DLAT: variants seen among roughly 807,000 people sequenced by gnomAD.
DLAT encodes the protein dihydrolipoamide S-acetyltransferase.
In DLAT, 43 loss-of-function variants were observed where a neutral mutation model predicts 68.0. The observed-to-expected ratio is 0.63, with a 90% CI of 0.50 to 0.81. The LOEUF is 0.81. Ranked by LOEUF, DLAT falls within the 40% of genes least tolerant of loss-of-function variation. The pLI is 0.00. For missense variants in DLAT, 745 were observed against 815.4 expected (o/e 0.91, Z 1.05); for synonymous variants, 265 against 288.6 (o/e 0.92, Z 0.83).
rs1592688766 is a variant in DLAT, at chr11:112,043,517, C to T, written c.1181C>T (p.Pro394Leu). 6.2e-7 allele frequency: 1 copy of T among 1,614,068 alleles called. No individual in the cohort carries two copies. The highest frequency in any genetic ancestry group is 8.5e-7 in the Non-Finnish European group (1 of 1,179,986). The change falls in exon 8 of 14, where the codon CCT (proline) becomes CTT (leucine). Residue 394 changes from proline to leucine, a missense_variant. Transcript: ENST00000280346. ...AAGAAGGATATCGACTCTTTTGTGC[C>T]TAGTAAAGTTGCTCCTGTGAGTTAT... Reference protein sequence around the residue: ...ITKKDIDSFVPSKVAPAPAAV... With the variant: ...ITKKDIDSFVLSKVAPAPAAV...
intron 5 of DLAT, among the ~76,000 whole-genome samples, chr11:112,034,626 T>G (rs587752469): frequency 9.2e-4 from 139 of 151,358 alleles, no homozygotes; most frequent in African/African-American, 3.2e-3. Flanking sequence ...GTATTTTTAG[T>G]AGAGATGGGG....
intron 5 of DLAT, among the ~76,000 whole-genome samples, chr11:112,035,646 G>A (rs587759191): frequency 4.9e-4 from 74 of 151,888 alleles, no homozygotes; most frequent in African/African-American, 1.7e-3. Context: ...ATGCCACTAC[G>A]CCCGGCTAAT....
chr11:112,030,248 G>A (rs587774350), intron 4 of DLAT: 213 of 572,950 alleles, frequency 3.7e-4, no homozygotes, highest in Non-Finnish European at 6.0e-4. Flanking sequence ...CAAAGTTCTC[G>A]GTCGTCTTAG....
rs781796716 is a variant in DLAT, at chr11:112,026,198, G to C, written c.280G>C (p.Val94Leu). The change falls in exon 2 of 14, where the codon GTT becomes CTT. Residue 94 changes from valine (V) to leucine (L), a missense_variant and splice_region_variant. Coordinates refer to ENST00000280346, the MANE Select transcript of DLAT (RefSeq NM_001931.5). ...RYYSLPPHQK[V>L]PLPSLSPTMQ... ...AATGTTTCTTCTTTTCCTTTTCCAG[G>C]TTCCATTGCCTTCTCTTTCCCCCAC... 9.9e-6 allele frequency: 16 copies of C among 1,608,420 alleles called. No homozygotes were observed. The East Asian group carries it at 3.3e-4, about 34-fold the overall frequency.
At chr11:112,039,559 C>T (rs191155460) in intron 7 of DLAT, among the ~76,000 whole-genome samples, 162 bp downstream of exon 7, 27 of 152,238 alleles carry the variant, frequency 1.8e-4, no homozygotes, top group Admixed American at 1.8e-3. Context: ...CTTTTGTTGC[C>T]ACCACAGAGT....
intron 11 of DLAT, among the ~76,000 whole-genome samples, chr11:112,054,549 G>T (rs1255426999): frequency 2.0e-5 from 3 of 152,148 alleles, no homozygotes; most frequent in Non-Finnish European, 4.4e-5. Flanking sequence ...GAGGAGAGGA[G>T]ATTCAGAAAC....
Position 112,056,825 on chromosome 11 carries a change from C to T in DLAT, c.1515-3078C>T, listed in dbSNP as rs587768249. Reference sequence around the variant, plus strand: ...AAGTGTTCCAGTTTCTCTATGTCCTCATCAATATTTGTTACCGTGTGGGTG... The same window carrying T: ...AAGTGTTCCAGTTTCTCTATGTCCTTATCAATATTTGTTACCGTGTGGGTG... On this transcript the variant is annotated intron_variant, in intron 11 of 13. Coordinates refer to ENST00000280346, the MANE Select transcript of DLAT (RefSeq NM_001931.5). Among the ~76,000 whole-genome samples the T allele has an allele frequency of 3.3e-5, 5 of 152,292 alleles. No individual in the cohort carries two copies. In the East Asian group the frequency reaches 5.8e-4, roughly 18 times the overall value.
At chr11:112,035,499 T>G (rs1267923347) in intron 5 of DLAT, among the ~76,000 whole-genome samples, 1 of 151,292 alleles carries the variant, frequency 6.6e-6, no homozygotes, top group Non-Finnish European at 1.5e-5. Context: ...TTCTTTTTTT[T>G]TTTTTTGGAA....
intron 2 of DLAT, among the ~76,000 whole-genome samples, chr11:112,028,051 A>G (rs1862174662): frequency 6.6e-6 from 1 of 152,218 alleles, no homozygotes; most frequent in Admixed American, 6.5e-5. Context: ...CCCTTTGTTT[A>G]AGAAACTGAA....
Position 112,064,322 on chromosome 11 carries a change from A to G in DLAT, c.*1787A>G. On this transcript the variant is annotated 3_prime_UTR_variant, in exon 14 of 14. Transcript: ENST00000280346. ...TCGATTCAGTCTCTTACCAGAACTG[A>G]AAGAAAAAAGTTAGAAATAGTGTTT... is the stretch of plus-strand genomic sequence containing the variant. The G allele has an allele frequency of 2.0e-6, 2 of 999,612 alleles. No individual in the cohort carries two copies. Among genetic ancestry groups the G allele is most frequent in the East Asian group, 2.9e-5 (1 of 34,758 alleles). 61.9% of individuals were successfully genotyped at this position (999,612 alleles called of 1,614,324 possible). A position where few individuals can be genotyped will look rare whatever the true frequency, so the allele number is the denominator to read the frequency against.
chr11:112,062,416 G>A lies in DLAT; in HGVS notation c.1825G>A (p.Ala609Thr). 1 of 1,612,452 alleles carries A rather than the reference G, an allele frequency of 6.2e-7. No homozygotes were observed. The highest frequency in any genetic ancestry group is 2.2e-5 in the East Asian group (1 of 44,876). The change falls in exon 14 of 14, where the codon GCT (alanine) becomes ACT (threonine). Residue 609 changes from alanine to threonine, a missense_variant. Ala to Thr is a moderately conservative substitution (Grantham distance 58, BLOSUM62 0). Transcript: ENST00000280346. The part of the protein sequence containing the change: ...PADNEKGFDV[A>T]SMMSVTLSCD... The stretch of plus-strand genomic sequence containing the variant: ...TTTATCTTTTTCTAGGTTTGATGTG[G>A]CTAGCATGATGTCTGTTACACTCAG...
chr11:112,026,937 C>T (rs1432347987), intron 2 of DLAT, among the ~76,000 whole-genome samples: 28 of 148,616 alleles, frequency 1.9e-4, no homozygotes, highest in African/African-American at 4.5e-4. Flanking sequence ...GCTGGCCAGG[C>T]GGGGGCTGAC....
chr11:112,061,570 G>C (rs1864628182), intron 13 of DLAT: 1 of 196,404 alleles, frequency 5.1e-6, no homozygotes, highest in Non-Finnish European at 1.0e-5. Flanking sequence ...TTGAGTATCA[G>C]TGTTTTTTTT....
chr11:112,043,703 GCC>G (rs1283169406), intron 8 of DLAT, among the ~76,000 whole-genome samples, 170 bp downstream of exon 8: 1 of 152,200 alleles, frequency 6.6e-6, no homozygotes, highest in East Asian at 1.9e-4. Flanking sequence ...GGTTCCAGGA[GCC>G]CCCTTGTATA....
Position 112,025,577 on chromosome 11 carries a change from C to T in DLAT, c.105C>T (p.Thr35=), listed in dbSNP as rs782238322. The part of the protein sequence containing the change: ...LQEVPGTPRV[T]SRSGPAPARR... Reference sequence around the variant, plus strand: ...AGGTACCCGGAACTCCACGAGTGACCTCGCGATCTGGCCCGGCTCCCGCTC... The same window carrying T: ...AGGTACCCGGAACTCCACGAGTGACTTCGCGATCTGGCCCGGCTCCCGCTC... Residue 35 remains threonine (T), a synonymous_variant, in exon 1 of 14, where the codon ACC becomes ACT. Transcript: ENST00000280346. 1.2e-6 allele frequency: 2 copies of T among 1,614,020 alleles called. No individual in the cohort carries two copies. Among genetic ancestry groups the T allele is most frequent in the Non-Finnish European group, 8.5e-7 (1 of 1,179,986 alleles).
At chr11:112,053,764 C>CT in intron 11 of DLAT, among the ~76,000 whole-genome samples, 1 of 152,214 alleles carries the variant, frequency 6.6e-6, no homozygotes, top group South Asian at 2.1e-4. Context: ...TTAAACACAG[C>CT]TTTTAAACTA....
chr11:112,036,081 G>A (rs1862709680), intron 5 of DLAT, among the ~76,000 whole-genome samples: 1 of 148,490 alleles, frequency 6.7e-6, no homozygotes, highest in African/African-American at 2.5e-5. Context: ...GTGAGCCACC[G>A]TGCCCAGCCT....
chr11:112,064,241 A>G lies in DLAT; in HGVS notation c.*1706A>G. ...TGTTCCCTTGAAAAAAAATAAAAACAGTTGCCTTCTAATAAACATTGTTGA... is the reference window on the plus strand; with the variant it reads ...TGTTCCCTTGAAAAAAAATAAAAACGGTTGCCTTCTAATAAACATTGTTGA... On this transcript the variant is annotated 3_prime_UTR_variant, in exon 14 of 14. Coordinates refer to ENST00000280346, the MANE Select transcript of DLAT (RefSeq NM_001931.5). 2 of 1,547,568 alleles carry G rather than the reference A, an allele frequency of 1.3e-6. No homozygotes were observed. Among genetic ancestry groups the G allele is most frequent in the Non-Finnish European group, 1.7e-6 (2 of 1,148,488 alleles).
At position 112,039,163 on chromosome 11, in the gene DLAT, TTAA is replaced by T; in HGVS notation, c.976-77_976-75del. 4 of 1,317,686 alleles carry T rather than the reference TTAA, an allele frequency of 3.0e-6. No homozygotes were observed. In the East Asian group the frequency reaches 9.6e-5, roughly 31 times the overall value. The allele number at this position is 1,317,686 out of a possible 1,614,324, so 81.6% of individuals were successfully genotyped here. On this transcript the variant is annotated intron_variant, in intron 6 of 13. Coordinates refer to ENST00000280346, the MANE Select transcript of DLAT (RefSeq NM_001931.5). ...ATTTAATTAAAATAGTTTTAATTTA[TTAA>T]TAAGATGTAAACTTTTAATCTTTCA...
Sources: allele counts gnomAD v4.1 joint callset (sites outside exome capture counted in the v4.1 genomes callset), GRCh38; gene constraint gnomAD v4.1.1; transcripts MANE v1.5; gene names NCBI Gene and HGNC (gene_info 2026-07-23, HGNC 2026-07-21).